PCDHGA7: variants seen among roughly 807,000 people sequenced by gnomAD.
The protein encoded by PCDHGA7 is protocadherin gamma-A7.
PCDHGA7 carries 44 observed loss-of-function variants against 58.3 expected under a neutral mutation model. That is an observed-to-expected ratio of 0.75 (90% CI 0.59 to 0.97). The LOEUF is 0.97. Among genes scored for constraint, PCDHGA7 ranks in the 50% least tolerant of loss-of-function variants. The pLI is 0.00. For missense variants in PCDHGA7, 1,266 were observed against 1,188.7 expected (o/e 1.06, Z -0.96); for synonymous variants, 516 against 504.2 (o/e 1.02, Z -0.31).
intron 1 of PCDHGA7, chr5:141,395,410 A>G: frequency 1.2e-6 from 1 of 801,764 alleles, no homozygotes; most frequent in Non-Finnish European, 1.9e-6. Context: ...GTCATAGGTT[A>G]TTGTTTCATT....
At chr5:141,399,318 G>A (rs772027563) in intron 1 of PCDHGA7, 19 of 1,613,830 alleles carry the variant, frequency 1.2e-5, no homozygotes, top group East Asian at 4.5e-5. Context: ...CCAAAAATTC[G>A]TATAAGTTGG....
intron 1 of PCDHGA7, chr5:141,405,580 G>T: frequency 1.7e-6 from 1 of 591,996 alleles, no homozygotes; most frequent in South Asian, 2.1e-5. Flanking sequence ...GAGTAGCTGG[G>T]ACTACAGGCC....
At chr5:141,420,064 C>T (rs1204112062) in intron 1 of PCDHGA7, 1 of 1,614,052 alleles carries the variant, frequency 6.2e-7, no homozygotes, top group Non-Finnish European at 8.5e-7. Context: ...GCTCCAAGTC[C>T]GGACCTGTGG....
chr5:141,451,330 T>C (rs1335156581), intron 1 of PCDHGA7, among the ~76,000 whole-genome samples: 2 of 152,200 alleles, frequency 1.3e-5, no homozygotes, highest in East Asian at 1.9e-4. Context: ...CCTAAGGCTA[T>C]TGTCTTATCT....
At chr5:141,422,330 CTCT>C in intron 1 of PCDHGA7, 1 of 1,548,166 alleles carries the variant, frequency 6.5e-7, no homozygotes, top group East Asian at 2.2e-5. Context: ...ACAGTGATTG[CTCT>C]TCTAAATGTG....
At chr5:141,390,475 A>G (rs1355918266) in intron 1 of PCDHGA7, 1 of 686,634 alleles carries the variant, frequency 1.5e-6, no homozygotes, top group Admixed American at 3.0e-5. Context: ...TGTGTGGCCC[A>G]ACATTTGTTT....
chr5:141,418,247 G>T, intron 1 of PCDHGA7: 1 of 1,614,032 alleles, frequency 6.2e-7, no homozygotes, highest in Non-Finnish European at 8.5e-7. Context: ...TAATGACCAC[G>T]CCCCTCAATT....
intron 1 of PCDHGA7, chr5:141,403,621 C>T: frequency 6.2e-7 from 1 of 1,613,926 alleles, no homozygotes; most frequent in Non-Finnish European, 8.5e-7. Flanking sequence ...CGCGTCGCTC[C>T]AGCACAGTGC....
intron 1 of PCDHGA7, among the ~76,000 whole-genome samples, chr5:141,401,328 G>A (rs919361243): frequency 3.3e-5 from 5 of 151,962 alleles, no homozygotes; most frequent in Non-Finnish European, 7.4e-5. Context: ...GGCAACAAGA[G>A]CAAAACTCCA....
Position 141,383,154 on chromosome 5 carries a change from C to A in PCDHGA7, c.255C>A (p.Val85=). 6.2e-7 allele frequency: 1 copy of A among 1,614,112 alleles called. No homozygotes were observed. The highest frequency in any genetic ancestry group is 1.1e-5 in the South Asian group (1 of 91,084). The part of the protein sequence containing the change: ...FALNQRSGSL[V]TAGRIDREEI... ...TGAACCAGCGCAGCGGCAGCTTGGT[C>A]ACTGCGGGCAGGATAGACCGGGAAG... Residue 85 remains valine, a synonymous_variant, in exon 1 of 4, where the codon GTC becomes GTA. Transcript: ENST00000518325.
intron 3 of PCDHGA7, among the ~76,000 whole-genome samples, chr5:141,508,624 G>A (rs552418899): frequency 3.3e-5 from 5 of 152,256 alleles, no homozygotes; most frequent in African/African-American, 9.6e-5. Context: ...TGGGTGGGCC[G>A]AGCTTCTAGC....
Position 141,398,041 on chromosome 5 carries a change from G to T in PCDHGA7, c.2424+12718G>T, listed in dbSNP as rs114009258. On this transcript the variant is annotated intron_variant, in intron 1 of 3. Coordinates refer to ENST00000518325, the MANE Select transcript of PCDHGA7 (RefSeq NM_018920.4). ...TAAACTGGAACTGGAACTAAAGCCC[G>T]TTCGGAGATCCAAAAATCTACAATA... 1,416 of 1,492,890 alleles carry T rather than the reference G, an allele frequency of 9.5e-4. 9 individuals are homozygous for T. The African/African-American group carries it at 0.016, about 16-fold the overall frequency. 92.5% of individuals were successfully genotyped at this position (1,492,890 alleles called of 1,614,324 possible).
At chr5:141,423,669 T>C in intron 1 of PCDHGA7, 1 of 1,554,480 alleles carries the variant, frequency 6.4e-7, no homozygotes, top group Non-Finnish European at 8.7e-7. Flanking sequence ...AGGTGAGATT[T>C]ATTTCTCTGC....
At chr5:141,508,927 A>C (rs1562237319) in intron 3 of PCDHGA7, among the ~76,000 whole-genome samples, 1 of 151,542 alleles carries the variant, frequency 6.6e-6, no homozygotes. Context: ...TTCCTTTTGG[A>C]GTTAATTAGG....
rs1212478322 is a variant in PCDHGA7 at position 141,485,871 on chromosome 5, T to G, written c.2425-8936T>G. ...ACCGCAGAGCTCCGGGTATCCGTGC[T>G]GGACGTAAACGACAACGCCCCAGCC... On this transcript the variant is annotated intron_variant, in intron 1 of 3. Coordinates refer to ENST00000518325, the MANE Select transcript of PCDHGA7 (RefSeq NM_018920.4). The surrounding 1 kb of genome is among the most constrained non-coding windows in gnomAD (Gnocchi z 5.7). 6.2e-7 allele frequency: 1 copy of G among 1,614,196 alleles called. No homozygotes were observed. The highest frequency in any genetic ancestry group is 8.5e-7 in the Non-Finnish European group (1 of 1,180,032).
At position 141,433,356 on chromosome 5, in the gene PCDHGA7, T is replaced by A. The variant is rs549297958; in HGVS notation, c.2424+48033T>A. On this transcript the variant is annotated intron_variant, in intron 1 of 3. Transcript: ENST00000518325. ...CTACAGGTGCAAGCCACCTACTGTC[T>A]GCCTATCTATCTATCTATCTATCTA... The A allele has an allele frequency of 8.4e-5, 51 of 607,892 alleles. No homozygotes were observed. The African/African-American group carries it at 9.5e-4, about 11-fold the overall frequency. 37.7% of individuals were successfully genotyped at this position (607,892 alleles called of 1,614,324 possible).
At position 141,501,290 on chromosome 5, in the gene PCDHGA7, TACACACACACAC is replaced by T. The variant is rs55762287; in HGVS notation, c.2484-4070_2484-4059del. Among the ~76,000 whole-genome samples, 15 of 136,248 alleles carry T rather than the reference TACACACACACAC, an allele frequency of 1.1e-4. No homozygotes were observed. The South Asian group carries it at 1.2e-3, about 11-fold the overall frequency. The allele number at this position is 136,248 out of a possible 152,430, so 89.4% of individuals were successfully genotyped here. A position where few individuals can be genotyped will look rare whatever the true frequency, so the allele number is the denominator to read the frequency against. ...GTCCAGTCTATGGGATATTCCCTTA[TACACACACACAC>T]ACACACACACACACACACACACACA... On this transcript the variant is annotated intron_variant, in intron 2 of 3. Transcript: ENST00000518325.
chr5:141,413,806 A>C, intron 1 of PCDHGA7: 1 of 1,613,168 alleles, frequency 6.2e-7, no homozygotes. Flanking sequence ...GGAAGAGGCC[A>C]TTCACCACCT....
intron 1 of PCDHGA7, chr5:141,478,359 G>A: frequency 6.2e-7 from 1 of 1,613,734 alleles, no homozygotes; most frequent in Non-Finnish European, 8.5e-7. Flanking sequence ...GACGCCGTGC[G>A]GGGAGGCCTG....
Sources: gnomAD v4.1 joint callset for allele counts (sites outside exome capture counted in the v4.1 genomes callset) on GRCh38, gnomAD v4.1.1 for gene constraint, Gnocchi (gnomAD v3.1) non-coding constraint, MANE v1.5 for transcripts, NCBI Gene and HGNC (gene_info 2026-07-23, HGNC 2026-07-21) for gene names.